Variants in TVP23B observed in about 807,000 individuals in gnomAD.
The protein encoded by TVP23B is Golgi apparatus membrane protein TVP23 homolog B.
In TVP23B, 10 loss-of-function variants were observed where a neutral mutation model predicts 30.6. That is an observed-to-expected ratio of 0.33 (90% CI 0.20 to 0.55). The LOEUF (loss-of-function observed/expected upper bound fraction) is 0.55, where lower values mean the gene tolerates loss of function less well. TVP23B is among the 20% of genes least tolerant of loss of function. The pLI is 0.91. For missense variants in TVP23B, 153 were observed against 243.2 expected (o/e 0.63, Z 2.47); for synonymous variants, 67 against 83.1 (o/e 0.81, Z 1.06).
At chr17:18,804,388 TAA>T (rs1156870770) in intron 6 of TVP23B, 122 bp downstream of exon 6, 1 of 1,367,378 alleles carries the variant, frequency 7.3e-7, no homozygotes, top group East Asian at 2.5e-5. Flanking sequence ...AATATAATGA[TAA>T]AGATGTTGTA....
intron 1 of TVP23B, among the ~76,000 whole-genome samples, chr17:18,786,408 TAGGG>T (rs1358298159): frequency 6.6e-6 from 1 of 150,844 alleles, no homozygotes; most frequent in African/African-American, 2.4e-5. Flanking sequence ...TAGGTCATGA[TAGGG>T]AGTCTGTTTT....
rs1226080726 is a variant in TVP23B, at chr17:18,804,169, G to T, written c.494G>T (p.Gly165Val). 1.2e-6 allele frequency: 2 copies of T among 1,613,624 alleles called. No individual in the cohort carries two copies. The highest frequency in any genetic ancestry group is 2.2e-5 in the East Asian group (1 of 44,884). The change falls in exon 6 of 7, where the codon GGT (glycine) becomes GTT (valine). Residue 165 changes from glycine (G) to valine (V), a missense_variant. This residue lies in a region of TVP23B where 62 missense variants were observed against 74.3 expected (regional missense o/e 0.83). Transcript: ENST00000307767. ...GTTATCATGGGTGTGGTGCTACAAG[G>T]TGCCAACCTGTATGGTTACATCAGG... The part of the protein sequence containing the change: ...AVVIMGVVLQ[G>V]ANLYGYIRCK...
intron 5 of TVP23B, among the ~76,000 whole-genome samples, chr17:18,802,070 A>G (rs1202871469): frequency 6.6e-6 from 1 of 151,928 alleles, no homozygotes; most frequent in Non-Finnish European, 1.5e-5. Flanking sequence ...AAAATACAAA[A>G]AATTAGCCGG....
intron 3 of TVP23B, among the ~76,000 whole-genome samples, chr17:18,793,037 TA>T (rs566510870): frequency 1.3e-4 from 19 of 149,848 alleles, no homozygotes; most frequent in South Asian, 8.4e-4. Flanking sequence ...CTGATGAGCT[TA>T]AAAAAAAAAT....
At chr17:18,790,690 G>GT (rs2035979019) in intron 2 of TVP23B, among the ~76,000 whole-genome samples, 2 of 152,252 alleles carry the variant, frequency 1.3e-5, no homozygotes, top group South Asian at 4.1e-4. Flanking sequence ...TGTGCATAGT[G>GT]TATTTTCTGT....
chr17:18,792,937 A>C (rs538137441), intron 3 of TVP23B, among the ~76,000 whole-genome samples: 1 of 152,316 alleles, frequency 6.6e-6, no homozygotes, highest in African/African-American at 2.4e-5. Flanking sequence ...ATCTTCATCT[A>C]AACCCCTAGG....
At chr17:18,799,399 A>G (rs1258572751) in intron 5 of TVP23B, among the ~76,000 whole-genome samples, 1 of 151,816 alleles carries the variant, frequency 6.6e-6, no homozygotes, top group East Asian at 1.9e-4. Context: ...GCCTCTCCAC[A>G]TGTTTTTCCC....
intron 3 of TVP23B, among the ~76,000 whole-genome samples, chr17:18,792,194 T>G (rs933080222): frequency 3.3e-5 from 5 of 151,950 alleles, no homozygotes; most frequent in Non-Finnish European, 7.4e-5. Flanking sequence ...CCACCACGCC[T>G]GGCTAATTTT....
intron 5 of TVP23B, among the ~76,000 whole-genome samples, chr17:18,801,867 T>C (rs984426903): frequency 9.9e-5 from 15 of 152,184 alleles, no homozygotes; most frequent in Non-Finnish European, 2.1e-4. Context: ...CTGCTCAAGG[T>C]CATCACCAAG....
In TVP23B at chr17:18,793,528, G is replaced by A. The variant is rs375876108; in HGVS notation, c.240+2488G>A. Among the ~76,000 whole-genome samples the A allele has an allele frequency of 5.3e-5, 8 of 150,780 alleles. No homozygotes were observed. The South Asian group carries it at 1.1e-3, about 20-fold the overall frequency. ...TATTCAGGAGGCTGAGGCAGGAGGC[G>A]GAGCTTGCAGTGAGCCGAGATTGCG... On this transcript the variant is annotated intron_variant, in intron 3 of 6. Coordinates refer to ENST00000307767, the MANE Select transcript of TVP23B (RefSeq NM_016078.6).
chr17:18,781,360 G>C, intron 1 of TVP23B, 55 bp downstream of exon 1: 1 of 1,555,328 alleles, frequency 6.4e-7, no homozygotes, highest in Non-Finnish European at 8.7e-7. Flanking sequence ...TGGCTCTGCA[G>C]GTTCCGTGGG....
At chr17:18,783,420 G>A (rs1451078975) in intron 1 of TVP23B, among the ~76,000 whole-genome samples, 1 of 152,166 alleles carries the variant, frequency 6.6e-6, no homozygotes, top group East Asian at 1.9e-4. Flanking sequence ...GTTCCCACTT[G>A]ATAAATTTGT....
In TVP23B at chr17:18,797,158, T is replaced by C. The variant is rs552577039; in HGVS notation, c.241-421T>C. On this transcript the variant is annotated intron_variant, in intron 3 of 6. Coordinates refer to ENST00000307767, the MANE Select transcript of TVP23B (RefSeq NM_016078.6). ...TACCTTAGTAAGTAGGAAAAGAGCT[T>C]GGTAACTTGAGAGACTGACTGAAGG... 3.2e-5 allele frequency: 6 copies of C among 190,086 alleles called. No homozygotes were observed. In the East Asian group the frequency reaches 9.0e-4, roughly 28 times the overall value. The allele number at this position is 190,086 out of a possible 1,614,324, so 11.8% of individuals were successfully genotyped here. A position where few individuals can be genotyped will look rare whatever the true frequency, so the allele number is the denominator to read the frequency against.
intron 5 of TVP23B, 106 bp downstream of exon 5, chr17:18,799,049 A>G: frequency 7.4e-7 from 1 of 1,344,618 alleles, no homozygotes; most frequent in African/African-American, 1.5e-5. Context: ...CCTATCTTGA[A>G]TAGGCAGCTT....
At chr17:18,788,755 C>T (rs1301200661) in intron 1 of TVP23B, among the ~76,000 whole-genome samples, 1 of 152,176 alleles carries the variant, frequency 6.6e-6, no homozygotes, top group African/African-American at 2.4e-5. Flanking sequence ...GCAGTCCAGC[C>T]TGGGTGATGA....
At chr17:18,790,342 T>TA (rs1488225757) in intron 2 of TVP23B, among the ~76,000 whole-genome samples, 1 of 151,352 alleles carries the variant, frequency 6.6e-6, no homozygotes, top group Non-Finnish European at 1.5e-5. Flanking sequence ...CAGGCGCCTG[T>TA]AGTCCCAGCT....
chr17:18,795,016 CTTTTTTTTTTTTTTT>C (rs781620472), intron 3 of TVP23B, among the ~76,000 whole-genome samples: 1 of 46,254 alleles, frequency 2.2e-5, no homozygotes, highest in East Asian at 8.7e-4. Context: ...CATCTCAAAT[CTTTTTTTTTTTTTTT>C]TTTTTTTTTT....
intron 1 of TVP23B, among the ~76,000 whole-genome samples, chr17:18,787,562 T>G (rs1169200426): frequency 6.6e-6 from 1 of 152,154 alleles, no homozygotes; most frequent in Non-Finnish European, 1.5e-5. Flanking sequence ...AGACAGGTTT[T>G]CAGCTATTTC....
At chr17:18,784,607 C>T (rs1229187804) in intron 1 of TVP23B, among the ~76,000 whole-genome samples, 1 of 152,140 alleles carries the variant, frequency 6.6e-6, no homozygotes, top group African/African-American at 2.4e-5. Flanking sequence ...GCCAAGATCA[C>T]GCCATTGCAC....
Sources: allele counts gnomAD v4.1 joint callset (sites outside exome capture counted in the v4.1 genomes callset), GRCh38; gene constraint gnomAD v4.1.1; regional missense constraint gnomAD v4.1.1; transcripts MANE v1.5; gene names NCBI Gene and HGNC (gene_info 2026-07-23, HGNC 2026-07-21).